The following KCNH1 variants were observed in gnomAD, a reference collection of about 807,000 sequenced individuals.
KCNH1 encodes the protein potassium voltage-gated channel subfamily H member 1, also known as voltage-gated delayed rectifier potassium channel KCNH1.
In KCNH1, 27 loss-of-function variants were observed where a neutral mutation model predicts 69.2. The ratio of observed to expected loss-of-function variants is 0.39; its 90% CI spans 0.29 to 0.54. The LOEUF (loss-of-function observed/expected upper bound fraction) is 0.54, where lower values mean the gene tolerates loss of function less well. Among genes scored for constraint, KCNH1 ranks in the 20% least tolerant of loss-of-function variants. The probability of loss-of-function intolerance (pLI) is 0.68; values close to 1 mark genes in which losing one functional copy is unlikely to be tolerated. For missense variants in KCNH1, 798 were observed against 1,261.6 expected, an observed-to-expected ratio of 0.63 and a Z score of 5.57; for synonymous variants, 456 against 487.7, an observed-to-expected ratio of 0.93 and a Z score of 0.86.
At chr1:211,125,009 G>A (rs1450779528) in intron 1 of KCNH1, among the ~76,000 whole-genome samples, 1 of 152,156 alleles carries the variant, frequency 6.6e-6, no homozygotes, top group African/African-American at 2.4e-5. Flanking sequence ...CCAAGACATT[G>A]TGCAGTACCC....
At chr1:210,715,851 G>A (rs1311427390) in intron 10 of KCNH1, among the ~76,000 whole-genome samples, 1 of 152,118 alleles carries the variant, frequency 6.6e-6, no homozygotes, top group Non-Finnish European at 1.5e-5. Flanking sequence ...CTCGGTGGAA[G>A]GTTTCCTGCC....
chr1:210,759,829 G>T (rs180948825), intron 10 of KCNH1, among the ~76,000 whole-genome samples: 118 of 152,214 alleles, frequency 7.8e-4, no homozygotes, highest in Middle Eastern at 3.4e-3. Flanking sequence ...GAAATCTAGA[G>T]AATTCCTGTG....
chr1:210,792,567 C>A (rs867113783), intron 9 of KCNH1, among the ~76,000 whole-genome samples: 20 of 148,866 alleles, frequency 1.3e-4, no homozygotes, highest in Admixed American at 2.7e-4. Flanking sequence ...TCTTAACCAG[C>A]TAGTGGCAAC....
At chr1:211,011,243 CTG>C (rs368863332) in intron 6 of KCNH1, among the ~76,000 whole-genome samples, 2 of 152,236 alleles carry the variant, frequency 1.3e-5, no homozygotes, top group East Asian at 3.9e-4. Flanking sequence ...TTTTCCGTTC[CTG>C]TGTTAGTTTG....
chr1:210,681,046 G>A lies in KCNH1; in HGVS notation c.*2235C>T, dbSNP rs577569761. ...TCATCAAGTCCCTGGAGAGCTGAGA[G>A]GCAAAAAAGTGTCTCCAGTGGCAGG... is the stretch of plus-strand genomic sequence containing the variant. On this transcript the variant is annotated 3_prime_UTR_variant, in exon 11 of 11. Transcript: ENST00000271751. 6.6e-6 allele frequency: 1 copy of A among 152,274 alleles called. No homozygotes were observed. The highest frequency in any genetic ancestry group is 2.1e-4 in the South Asian group (1 of 4,832). The allele number at this position is 152,274 out of a possible 1,614,324, so 9.4% of individuals were successfully genotyped here. A position where few individuals can be genotyped will look rare whatever the true frequency, so the allele number is the denominator to read the frequency against.
chr1:210,853,946 C>CAAGAAAAA (rs1685767182), intron 7 of KCNH1, among the ~76,000 whole-genome samples: 1 of 61,534 alleles, frequency 1.6e-5, no homozygotes, highest in Non-Finnish European at 2.7e-5. Context: ...TTATCTAAGC[C>CAAGAAAAA]AAAAAAAAAA....
intron 5 of KCNH1, among the ~76,000 whole-genome samples, chr1:211,029,166 C>CA (rs34291308): frequency 0.14 from 7,464 of 52,718 alleles, 513 homozygotes; most frequent in East Asian, 0.23. Context: ...CCCATCTCTA[C>CA]AAAAAAAAAA....
intron 9 of KCNH1, among the ~76,000 whole-genome samples, chr1:210,777,769 C>G (rs938393934): frequency 1.3e-5 from 2 of 152,198 alleles, no homozygotes; most frequent in African/African-American, 4.8e-5. Context: ...TAGGCCCCAT[C>G]CATTCTTTTC....
chr1:210,852,105 T>C (rs1685719352), intron 7 of KCNH1, among the ~76,000 whole-genome samples: 1 of 152,196 alleles, frequency 6.6e-6, no homozygotes, highest in South Asian at 2.1e-4. Context: ...GAAAGCATGA[T>C]GGAGAATGAG....
chr1:210,865,639 A>G (rs1276389612), intron 7 of KCNH1, among the ~76,000 whole-genome samples: 1 of 152,248 alleles, frequency 6.6e-6, no homozygotes, highest in Non-Finnish European at 1.5e-5. Context: ...ATTTTATGTA[A>G]GGAAAGACTT....
intron 9 of KCNH1, 35 bp from the exon 10 acceptor site, chr1:210,775,579 G>T: frequency 6.4e-7 from 1 of 1,556,956 alleles, no homozygotes; most frequent in Non-Finnish European, 8.8e-7. Flanking sequence ...GAAAGTGTTG[G>T]CCAGGAGAGG....
intron 5 of KCNH1, among the ~76,000 whole-genome samples, chr1:211,021,728 T>C (rs1689589382): frequency 6.6e-6 from 1 of 151,954 alleles, no homozygotes; most frequent in East Asian, 1.9e-4. Flanking sequence ...ACAATTCCAT[T>C]ATCAATAGCT....
chr1:210,903,747 G>A (rs962337156), intron 7 of KCNH1, among the ~76,000 whole-genome samples: 4 of 152,136 alleles, frequency 2.6e-5, no homozygotes, highest in Non-Finnish European at 5.9e-5. Context: ...GAAAGTCCTG[G>A]ACCAATACTG....
intron 6 of KCNH1, among the ~76,000 whole-genome samples, chr1:210,959,229 A>T (rs765016391): frequency 6.6e-6 from 1 of 152,240 alleles, no homozygotes; most frequent in East Asian, 1.9e-4. Flanking sequence ...TGTATGCCTG[A>T]GTATCACCAG....
intron 10 of KCNH1, among the ~76,000 whole-genome samples, chr1:210,715,529 A>AC (rs978736325): frequency 1.3e-5 from 2 of 152,072 alleles, no homozygotes; most frequent in Non-Finnish European, 2.9e-5. Flanking sequence ...AAAAAAAAAA[A>AC]AACGTAATGG....
At position 210,854,923 on chromosome 1, in the gene KCNH1, A is replaced by G. The variant is rs368063334; in HGVS notation, c.1463-50757T>C. Among the ~76,000 whole-genome samples, 5 of 152,350 alleles carry G rather than the reference A, an allele frequency of 3.3e-5. No individual in the cohort carries two copies. The East Asian group carries it at 5.8e-4, about 18-fold the overall frequency. On this transcript the variant is annotated intron_variant, in intron 7 of 10. Coordinates refer to ENST00000271751, the MANE Select transcript of KCNH1 (RefSeq NM_172362.3). ...TTAGCCCTGGTTTGAGCATCATGACAACCCCTGGGCTGGGAAGTAATAATT... is the reference window on the plus strand; with the variant it reads ...TTAGCCCTGGTTTGAGCATCATGACGACCCCTGGGCTGGGAAGTAATAATT...
In KCNH1 at chr1:210,919,631, C is replaced by T. The variant is rs1687418880; in HGVS notation, c.1462+9G>A. ...ATGGCCAACCCCACCCCAGCACTGT[C>T]ATACTTACAGCCAATCATCATGATG... On this transcript the variant is annotated intron_variant, in intron 7 of 10. Coordinates refer to ENST00000271751, the MANE Select transcript of KCNH1 (RefSeq NM_172362.3). This position sits in a 1 kb window ranked among gnomAD's most constrained non-coding sequence, Gnocchi z 4.2. 6.2e-7 allele frequency: 1 copy of T among 1,608,488 alleles called. No individual in the cohort carries two copies. The highest frequency in any genetic ancestry group is 1.1e-5 in the South Asian group (1 of 89,962).
At position 210,682,110 on chromosome 1, in the gene KCNH1, T is replaced by A. The variant is rs1456867079; in HGVS notation, c.*1171A>T. 1.3e-5 allele frequency: 2 copies of A among 152,202 alleles called. No individual in the cohort carries two copies. Among genetic ancestry groups the A allele is most frequent in the Admixed American group, 1.3e-4 (2 of 15,280 alleles). The allele number at this position is 152,202 out of a possible 1,614,324, so 9.4% of individuals were successfully genotyped here. A position where few individuals can be genotyped will look rare whatever the true frequency, so the allele number is the denominator to read the frequency against. ...CTCACTGCTTCATTCTCTTTCCAGC[T>A]CCTGAAGAGAGTACAATCATGATCC... On this transcript the variant is annotated 3_prime_UTR_variant, in exon 11 of 11. Transcript: ENST00000271751.
chr1:210,789,150 A>C (rs1282606411), intron 9 of KCNH1, among the ~76,000 whole-genome samples: 1 of 152,214 alleles, frequency 6.6e-6, no homozygotes, highest in Non-Finnish European at 1.5e-5. Flanking sequence ...TTATATGGCA[A>C]GTGGCAGCAA....
Sources: allele counts gnomAD v4.1 joint callset (sites outside exome capture counted in the v4.1 genomes callset), GRCh38; gene constraint gnomAD v4.1.1; non-coding constraint Gnocchi (gnomAD v3.1); transcripts MANE v1.5; gene names NCBI Gene and HGNC (gene_info 2026-07-23, HGNC 2026-07-21).